LYPLAL1: variants seen among roughly 807,000 people sequenced by gnomAD.
The protein encoded by LYPLAL1 is lysophospholipase like 1.
A neutral mutation model predicts 19.7 loss-of-function variants in LYPLAL1; 23 were observed. That is an observed-to-expected ratio of 1.17 (90% CI 0.84 to 1.65). LYPLAL1 has a LOEUF of 1.65. LYPLAL1 is among the 40% of genes most tolerant of loss of function. The pLI, the probability that LYPLAL1 is intolerant of heterozygous loss-of-function variation, is 0.00. For synonymous variants in LYPLAL1, 119 were observed against 96.3 expected, an observed-to-expected ratio of 1.24 and a Z score of -1.38; for missense variants, 355 against 279.4, an observed-to-expected ratio of 1.27 and a Z score of -1.93.
the LYPLAL1 span, among the ~76,000 whole-genome samples, chr1:219,382,673 A>G: frequency 6.6e-6 from 1 of 152,182 alleles, no homozygotes; most frequent in East Asian, 1.9e-4. Context: ...AAGTTGCCAC[A>G]TATTTTTAAA....
intron 3 of LYPLAL1, among the ~76,000 whole-genome samples, chr1:219,210,051 T>G (rs1392126247): frequency 6.6e-6 from 1 of 152,146 alleles, no homozygotes; most frequent in African/African-American, 2.4e-5. Flanking sequence ...CAAATTTTTT[T>G]TATCATTCTT....
chr1:219,365,984 A>T, the LYPLAL1 span, among the ~76,000 whole-genome samples: 1 of 152,126 alleles, frequency 6.6e-6, no homozygotes, highest in South Asian at 2.1e-4. Context: ...TTTAATCCAG[A>T]TGTTTGATTT....
the LYPLAL1 span, among the ~76,000 whole-genome samples, chr1:219,293,166 TC>T: frequency 1.3e-5 from 2 of 152,144 alleles, no homozygotes; most frequent in South Asian, 2.1e-4. Flanking sequence ...TTGAGGAGAT[TC>T]TGAGCACTTC....
chr1:219,307,822 CT>C, the LYPLAL1 span, among the ~76,000 whole-genome samples: 1 of 152,180 alleles, frequency 6.6e-6, no homozygotes, highest in Non-Finnish European at 1.5e-5. Context: ...TTGCTTCCTC[CT>C]TATTTTTTCT....
chr1:219,304,851 G>A, the LYPLAL1 span, among the ~76,000 whole-genome samples: 135,770 of 152,204 alleles, frequency 0.89, 60,575 homozygotes, highest in East Asian at 0.99. Flanking sequence ...TAAACGAGTC[G>A]CAGGAATGAA....
At chr1:219,347,407 G>A in the LYPLAL1 span, among the ~76,000 whole-genome samples, 5 of 152,190 alleles carry the variant, frequency 3.3e-5, no homozygotes, top group East Asian at 9.6e-4. Flanking sequence ...AACTGTTTAA[G>A]TCAGAACCCT....
chr1:219,239,479 A>G, the LYPLAL1 span, among the ~76,000 whole-genome samples: 1 of 152,260 alleles, frequency 6.6e-6, no homozygotes, highest in Non-Finnish European at 1.5e-5. Flanking sequence ...CAAGATGACA[A>G]TGAAATTTTC....
chr1:219,439,267 C>G, the LYPLAL1 span, among the ~76,000 whole-genome samples: 5 of 152,072 alleles, frequency 3.3e-5, no homozygotes, highest in Non-Finnish European at 7.4e-5. Flanking sequence ...TTCCATATAC[C>G]TCTATTAGAG....
chr1:219,233,933 G>A, the LYPLAL1 span, among the ~76,000 whole-genome samples: 2 of 152,208 alleles, frequency 1.3e-5, no homozygotes, highest in Admixed American at 1.3e-4. Flanking sequence ...AAAAGAAGCT[G>A]TGATAGGGAT....
the LYPLAL1 span, among the ~76,000 whole-genome samples, chr1:219,386,494 C>G: frequency 3.9e-5 from 6 of 152,172 alleles, no homozygotes; most frequent in East Asian, 1.2e-3. Context: ...TGGCTCTCTT[C>G]TCTTTCCTGG....
At chr1:219,229,266 C>G in the LYPLAL1 span, among the ~76,000 whole-genome samples, 1 of 146,876 alleles carries the variant, frequency 6.8e-6, no homozygotes, top group East Asian at 2.0e-4. Flanking sequence ...GGCTGAACTC[C>G]CATGGACATA....
intron 2 of LYPLAL1, among the ~76,000 whole-genome samples, chr1:219,192,786 A>G (rs1657286677): frequency 6.6e-6 from 1 of 151,680 alleles, no homozygotes; most frequent in Non-Finnish European, 1.5e-5. Context: ...CAGAGCATGA[A>G]TATACAATGA....
At chr1:219,385,840 CAG>C in the LYPLAL1 span, among the ~76,000 whole-genome samples, 1 of 152,140 alleles carries the variant, frequency 6.6e-6, no homozygotes, top group Non-Finnish European at 1.5e-5. Flanking sequence ...GACTTCCAAG[CAG>C]AGAGAAATAT....
At chr1:219,433,297 C>T in the LYPLAL1 span, among the ~76,000 whole-genome samples, 1 of 152,140 alleles carries the variant, frequency 6.6e-6, no homozygotes, top group Admixed American at 6.5e-5. Flanking sequence ...CATCAGAGGT[C>T]CTCTTAATAC....
At chr1:219,373,734 A>G in the LYPLAL1 span, among the ~76,000 whole-genome samples, 1 of 152,144 alleles carries the variant, frequency 6.6e-6, no homozygotes, top group African/African-American at 2.4e-5. Context: ...ATTATAGCGA[A>G]GTACAGCACT....
At chr1:219,184,335 A>G (rs1159015769) in intron 2 of LYPLAL1, among the ~76,000 whole-genome samples, 1 of 151,930 alleles carries the variant, frequency 6.6e-6, no homozygotes, top group African/African-American at 2.4e-5. Flanking sequence ...TGTTGCTAGT[A>G]CAGAGAAATA....
In LYPLAL1 at chr1:219,210,662, T is replaced by A. The variant is rs776489470; in HGVS notation, c.477+15T>A. 6.5e-5 allele frequency: 103 copies of A among 1,572,890 alleles called. No homozygotes were observed. The highest frequency in any genetic ancestry group is 8.3e-5 in the Non-Finnish European group (96 of 1,160,918). On this transcript the variant is annotated intron_variant, in intron 4 of 4. Coordinates refer to ENST00000366928, the MANE Select transcript of LYPLAL1 (RefSeq NM_138794.5). ...CTGTTTACCAGGTAAGTTCCAGATT[T>A]AAAAAAAAATGAAAAAAATATGAAA...
the LYPLAL1 span, among the ~76,000 whole-genome samples, chr1:219,432,488 G>A: frequency 4.6e-5 from 7 of 152,146 alleles, no homozygotes; most frequent in Non-Finnish European, 8.8e-5. Context: ...TGACTCAAAA[G>A]GTAACAGTGA....
chr1:219,385,903 AT>A, the LYPLAL1 span, among the ~76,000 whole-genome samples: 1 of 152,178 alleles, frequency 6.6e-6, no homozygotes. Flanking sequence ...CACTAACTCT[AT>A]TGTATGACTG....
Sources: gnomAD v4.1 joint callset for allele counts (sites outside exome capture counted in the v4.1 genomes callset) on GRCh38, gnomAD v4.1.1 for gene constraint, MANE v1.5 for transcripts, NCBI Gene and HGNC (gene_info 2026-07-23, HGNC 2026-07-21) for gene names.